Variants in UGT1A9 observed in about 807,000 individuals in gnomAD.
UGT1A9 encodes the protein UDP glucuronosyltransferase family 1 member A9.
A neutral mutation model predicts 45.0 loss-of-function variants in UGT1A9; 35 were observed. The ratio of observed to expected loss-of-function variants is 0.78; its 90% CI spans 0.59 to 1.03. UGT1A9 has a LOEUF of 1.03. UGT1A9 is among the 50% of genes least tolerant of loss of function. The pLI is 0.00. For synonymous variants in UGT1A9, 278 were observed against 250.6 expected (o/e 1.11, Z -1.03); for missense variants, 687 against 666.6 (o/e 1.03, Z -0.34).
intron 1 of UGT1A9, among the ~76,000 whole-genome samples, chr2:233,746,455 T>G (rs1294598845): frequency 6.6e-6 from 1 of 151,652 alleles, no homozygotes; most frequent in Non-Finnish European, 1.5e-5. Context: ...GAAAGTACCT[T>G]CAAAAGGGTT....
At chr2:233,736,941 G>A (rs2125804674) in intron 1 of UGT1A9, among the ~76,000 whole-genome samples, 1 of 152,244 alleles carries the variant, frequency 6.6e-6, no homozygotes, top group East Asian at 1.9e-4. Context: ...ACCTATATGA[G>A]GTGTCTGTTG....
intron 1 of UGT1A9, chr2:233,755,391 C>A: frequency 2.9e-6 from 1 of 343,030 alleles, no homozygotes; most frequent in Non-Finnish European, 5.7e-6. Context: ...TATGACGCAG[C>A]CACATCTCAT....
In UGT1A9 at chr2:233,737,318, G is replaced by C. The variant is rs1217578074; in HGVS notation, c.856-29716G>C. On this transcript the variant is annotated intron_variant, in intron 1 of 4. Coordinates refer to ENST00000354728, the MANE Select transcript of UGT1A9 (RefSeq NM_021027.3). ...CCTCACAGTTCAATCTCAGACTGCT[G>C]CACTAGCAGTGAGCAAGGCTCCGTG... 2.0e-5 allele frequency among the ~76,000 whole-genome samples: 3 copies of C among 152,236 alleles called. No homozygotes were observed. In the East Asian group the frequency reaches 5.8e-4, roughly 29 times the overall value.
At chr2:233,742,142 G>A (rs868040003) in intron 1 of UGT1A9, among the ~76,000 whole-genome samples, 9 of 151,998 alleles carry the variant, frequency 5.9e-5, no homozygotes, top group South Asian at 2.1e-4. Flanking sequence ...ACCCAGCAGC[G>A]CTAGACGAAT....
chr2:233,730,856 C>T (rs1409792373), intron 1 of UGT1A9, among the ~76,000 whole-genome samples: 1 of 152,142 alleles, frequency 6.6e-6, no homozygotes, highest in Non-Finnish European at 1.5e-5. Flanking sequence ...TCACCAAACC[C>T]ACCCTACTGC....
Position 233,769,754 on chromosome 2 carries a change from C to T in UGT1A9, c.1295+1315C>T. On this transcript the variant is annotated intron_variant, in intron 4 of 4. Coordinates refer to ENST00000354728, the MANE Select transcript of UGT1A9 (RefSeq NM_021027.3). The surrounding 1 kb of genome is among the most constrained non-coding windows in gnomAD (Gnocchi z 4.4). ...CCTGTAGTCCCAGCCACTCTGGAGGCTAAGGCGGGAGGATTGCTTGAGCCC... is the reference window on the plus strand; with the variant it reads ...CCTGTAGTCCCAGCCACTCTGGAGGTTAAGGCGGGAGGATTGCTTGAGCCC... The T allele has an allele frequency of 7.0e-7, 1 of 1,426,418 alleles. No homozygotes were observed. Among genetic ancestry groups the T allele is most frequent in the African/African-American group, 1.4e-5 (1 of 70,050 alleles). The allele number at this position is 1,426,418 out of a possible 1,614,324, so 88.4% of individuals were successfully genotyped here.
chr2:233,730,592 G>C (rs1017666778), intron 1 of UGT1A9, among the ~76,000 whole-genome samples: 3 of 152,138 alleles, frequency 2.0e-5, no homozygotes, highest in African/African-American at 7.2e-5. Flanking sequence ...ACAGGGATCT[G>C]TGCTGTCAAG....
Position 233,718,977 on chromosome 2 carries a change from G to T in UGT1A9, c.855+46188G>T, listed in dbSNP as rs930216391. ...GCGGGAGGCCTTGCGGGAGCTCCAT[G>T]CCAGAGGCCACCAGGCGGTGGTCCT... On this transcript the variant is annotated intron_variant, in intron 1 of 4. Coordinates refer to ENST00000354728, the MANE Select transcript of UGT1A9 (RefSeq NM_021027.3). 3.1e-6 allele frequency: 5 copies of T among 1,614,122 alleles called. No homozygotes were observed. In the Admixed American group the frequency reaches 8.3e-5, roughly 27 times the overall value.
chr2:233,722,716 GT>G (rs1305467466), intron 1 of UGT1A9, among the ~76,000 whole-genome samples: 12 of 151,988 alleles, frequency 7.9e-5, no homozygotes, highest in Non-Finnish European at 1.5e-5. Flanking sequence ...TTAAATATCA[GT>G]TTTTAAATTT....
rs10203266 is a variant in UGT1A9 at position 233,687,722 on chromosome 2, G to T, written c.855+14933G>T. 7.2e-5 allele frequency among the ~76,000 whole-genome samples: 11 copies of T among 151,776 alleles called. No homozygotes were observed. The South Asian group carries it at 2.1e-3, about 29-fold the overall frequency. ...GTTTGAGACCAGCCTGGACAACATA[G>T]GGAGACACTGTCTCTACAAAAAATG... On this transcript the variant is annotated intron_variant, in intron 1 of 4. Coordinates refer to ENST00000354728, the MANE Select transcript of UGT1A9 (RefSeq NM_021027.3).
rs1476500325 is a variant in UGT1A9 at position 233,772,338 on chromosome 2, T to C, written c.1372T>C (p.Trp458Arg). ...PVEPLDLAVF[W>R]VEFVMRHKGA... ...GGAGCCGCTGGACCTGGCCGTGTTC[T>C]GGGTGGAGTTTGTGATGAGGCACAA... Residue 458 changes from tryptophan (W) to arginine (R), a missense_variant, in exon 5 of 5, where the codon TGG becomes CGG. Trp to Arg is a moderately radical substitution (Grantham distance 101). Coordinates refer to ENST00000354728, the MANE Select transcript of UGT1A9 (RefSeq NM_021027.3). 3.1e-6 allele frequency: 5 copies of C among 1,614,136 alleles called. No individual in the cohort carries two copies. The highest frequency in any genetic ancestry group is 4.2e-6 in the Non-Finnish European group (5 of 1,180,052).
At chr2:233,679,708 C>G (rs2074460176) in intron 1 of UGT1A9, among the ~76,000 whole-genome samples, 2 of 152,152 alleles carry the variant, frequency 1.3e-5, no homozygotes, top group African/African-American at 4.8e-5. Flanking sequence ...CTCCTGTTAT[C>G]TGGACAATTT....
At chr2:233,734,382 A>G (rs189270285) in intron 1 of UGT1A9, among the ~76,000 whole-genome samples, 35 of 152,082 alleles carry the variant, frequency 2.3e-4, no homozygotes, top group Admixed American at 1.0e-3. Context: ...TGCCTTTACT[A>G]TTTTTTATTG....
chr2:233,766,278 C>T (rs4663334), intron 1 of UGT1A9, among the ~76,000 whole-genome samples: 20,562 of 116,134 alleles, frequency 0.18, 1,583 homozygotes, highest in African/African-American at 0.25. Flanking sequence ...CTCGGTGGCC[C>T]GGGCTCGGTG....
intron 1 of UGT1A9, among the ~76,000 whole-genome samples, chr2:233,757,812 T>C (rs772268398): frequency 4.0e-5 from 6 of 151,794 alleles, no homozygotes; most frequent in Non-Finnish European, 8.8e-5. Flanking sequence ...TGAAAGGAGC[T>C]GGTAGTGTGT....
rs774409308 is a variant in UGT1A9, at chr2:233,719,538, CAG to C, written c.855+46756_855+46757del. 13 of 1,613,912 alleles carry C rather than the reference CAG, an allele frequency of 8.1e-6. No individual in the cohort carries two copies. In the South Asian group the frequency reaches 9.9e-5, roughly 12 times the overall value. ...TGCAAGTCTTGCCTCTGAGCTTTTT[CAG>C]AGAGAGGTGTCAGTGGTGGATCTTG... On this transcript the variant is annotated intron_variant, in intron 1 of 4. Coordinates refer to ENST00000354728, the MANE Select transcript of UGT1A9 (RefSeq NM_021027.3).
At chr2:233,673,101 G>T (rs986833657) in intron 1 of UGT1A9, among the ~76,000 whole-genome samples, 1 of 152,048 alleles carries the variant, frequency 6.6e-6, no homozygotes, top group African/African-American at 2.4e-5. Context: ...AATTCTATAT[G>T]CCCGCCCCAG....
chr2:233,712,147 G>C (rs1170560500), intron 1 of UGT1A9, among the ~76,000 whole-genome samples: 1 of 152,218 alleles, frequency 6.6e-6, no homozygotes, highest in African/African-American at 2.4e-5. Flanking sequence ...GCATTCAGAA[G>C]AGGAATTCAG....
chr2:233,682,138 A>G (rs1470214216), intron 1 of UGT1A9: 4 of 1,614,202 alleles, frequency 2.5e-6, no homozygotes, highest in Non-Finnish European at 3.4e-6. Flanking sequence ...GGCAACTGGG[A>G]AGATCACTGA....
Sources: allele counts gnomAD v4.1 joint callset (sites outside exome capture counted in the v4.1 genomes callset), GRCh38; gene constraint gnomAD v4.1.1; non-coding constraint Gnocchi (gnomAD v3.1); transcripts MANE v1.5; gene names NCBI Gene and HGNC (gene_info 2026-07-23, HGNC 2026-07-21).